The following TAFA2 variants were observed in gnomAD, a reference collection of about 807,000 sequenced individuals.
TAFA2 encodes chemokine-like protein TAFA-2.
In TAFA2, 7 loss-of-function variants were observed where a neutral mutation model predicts 18.8. The observed-to-expected ratio is 0.37, with a 90% confidence interval of 0.21 to 0.70. The LOEUF (loss-of-function observed/expected upper bound fraction) is 0.70. TAFA2 is among the 30% of genes least tolerant of loss of function. TAFA2 has a pLI of 0.53. For synonymous variants in TAFA2, 60 were observed against 54.2 expected, an observed-to-expected ratio of 1.11 and a Z score of -0.47; for missense variants, 122 against 158.1, an observed-to-expected ratio of 0.77 and a Z score of 1.23.
chr12:61,986,654 T>TTA (rs1555181441), intron 1 of TAFA2, among the ~76,000 whole-genome samples: 1 of 145,444 alleles, frequency 6.9e-6, no homozygotes, highest in Non-Finnish European at 1.5e-5. Context: ...GAGACTTAGT[T>TTA]AAAAAAAAAA....
chr12:62,172,887 A>G (rs1454511605), intron 1 of TAFA2, among the ~76,000 whole-genome samples: 1 of 152,228 alleles, frequency 6.6e-6, no homozygotes. Context: ...TTCAATTCCA[A>G]TTTAGTCACT....
rs572268280 is a variant in TAFA2 at position 62,226,782 on chromosome 12, T to C, written c.-130+31981A>G. 2.0e-5 allele frequency among the ~76,000 whole-genome samples: 3 copies of C among 152,352 alleles called. No homozygotes were observed. In the South Asian group the frequency reaches 6.2e-4, roughly 32 times the overall value. On this transcript the variant is annotated intron_variant, in intron 1 of 5. Coordinates refer to the TAFA2 transcript ENST00000551619. Reference sequence around the variant, plus strand: ...TCATCTTTAGTAATTTATTCTTCTTTACTTTTCACTCACAATCAAATGGTG... The same window carrying C: ...TCATCTTTAGTAATTTATTCTTCTTCACTTTTCACTCACAATCAAATGGTG...
intron 2 of TAFA2, among the ~76,000 whole-genome samples, chr12:61,826,475 A>ATG (rs1872540930): frequency 6.6e-6 from 1 of 152,036 alleles, no homozygotes; most frequent in African/African-American, 2.4e-5. Flanking sequence ...GCAGAATGAC[A>ATG]AAAACTGTTG....
intron 2 of TAFA2, among the ~76,000 whole-genome samples, chr12:61,842,087 AC>A (rs2121127546): frequency 6.6e-6 from 1 of 152,096 alleles, no homozygotes; most frequent in African/African-American, 2.4e-5. Context: ...CTCCATAAGG[AC>A]ATTTTTTTTT....
At chr12:61,823,760 G>T (rs1259435298) in intron 2 of TAFA2, among the ~76,000 whole-genome samples, 1 of 152,082 alleles carries the variant, frequency 6.6e-6, no homozygotes, top group Non-Finnish European at 1.5e-5. Context: ...TGAGAATTCA[G>T]ACATGAATGT....
intron 2 of TAFA2, chr12:61,827,309 G>T (rs1872568235): frequency 6.6e-6 from 1 of 152,000 alleles, no homozygotes. Flanking sequence ...ATAACCTTCT[G>T]TCTTGTTTAA....
At chr12:61,940,258 G>T (rs1877944757) in intron 1 of TAFA2, among the ~76,000 whole-genome samples, 1 of 152,204 alleles carries the variant, frequency 6.6e-6, no homozygotes, top group Non-Finnish European at 1.5e-5. Flanking sequence ...TTGGTTTAAT[G>T]CCCTGCTATT....
At chr12:62,120,352 G>C (rs1342677222) in intron 1 of TAFA2, among the ~76,000 whole-genome samples, 1 of 152,158 alleles carries the variant, frequency 6.6e-6, no homozygotes, top group Admixed American at 6.5e-5. Context: ...ATAGGCATTT[G>C]TATTTCTTTT....
At chr12:62,085,904 A>G (rs1429070482) in intron 1 of TAFA2, among the ~76,000 whole-genome samples, 1 of 152,086 alleles carries the variant, frequency 6.6e-6, no homozygotes, top group African/African-American at 2.4e-5. Flanking sequence ...TTCTTGTGAT[A>G]GTGAGTTCTC....
At chr12:62,119,776 A>G (rs1870113107) in intron 1 of TAFA2, among the ~76,000 whole-genome samples, 1 of 152,148 alleles carries the variant, frequency 6.6e-6, no homozygotes, top group Non-Finnish European at 1.5e-5. Flanking sequence ...GCATCTCTGT[A>G]AAAGCAAAAG....
intron 1 of TAFA2, among the ~76,000 whole-genome samples, chr12:61,973,782 C>T (rs988652058): frequency 2.0e-5 from 3 of 151,746 alleles, no homozygotes; most frequent in African/African-American, 4.8e-5. Flanking sequence ...GAAAATCCCC[C>T]GACCCTGGCT....
chr12:62,074,951 C>T (rs1882724683), intron 1 of TAFA2, among the ~76,000 whole-genome samples: 1 of 152,078 alleles, frequency 6.6e-6, no homozygotes. Context: ...ATCTGCCTGC[C>T]TCAGCCTCCC....
intron 2 of TAFA2, among the ~76,000 whole-genome samples, chr12:61,824,908 TCA>T (rs1483202405): frequency 6.6e-6 from 1 of 152,088 alleles, no homozygotes; most frequent in African/African-American, 2.4e-5. Context: ...TCTTAAAGGA[TCA>T]CAGTTTCAGA....
In TAFA2 at chr12:62,072,240, G is replaced by A. The variant is rs1335062204; in HGVS notation, c.-2+119019C>T. Among the ~76,000 whole-genome samples, 7 of 151,346 alleles carry A rather than the reference G, an allele frequency of 4.6e-5. No homozygotes were observed. In the East Asian group the frequency reaches 5.9e-4, roughly 13 times the overall value. The stretch of plus-strand genomic sequence containing the variant: ...AGCACTTTGGAAGGCCGAGGCGGGC[G>A]GATCACAAGGTCAGGAGATCGAGAC... On this transcript the variant is annotated intron_variant, in intron 1 of 4. Transcript: ENST00000416284.
chr12:61,767,061 G>C (rs991398386), intron 2 of TAFA2, among the ~76,000 whole-genome samples: 5 of 151,962 alleles, frequency 3.3e-5, no homozygotes, highest in African/African-American at 1.2e-4. Context: ...ATGATGGTAG[G>C]GCATTTAATA....
chr12:61,861,685 G>A (rs1277493165), intron 2 of TAFA2, among the ~76,000 whole-genome samples: 1 of 152,064 alleles, frequency 6.6e-6, no homozygotes, highest in Non-Finnish European at 1.5e-5. Context: ...ATGAAGATCT[G>A]TCCAGAAAAA....
intron 1 of TAFA2, among the ~76,000 whole-genome samples, chr12:62,074,153 T>C (rs1882701872): frequency 6.6e-6 from 1 of 152,204 alleles, no homozygotes; most frequent in African/African-American, 2.4e-5. Context: ...TTCCCAAAGT[T>C]AGAACACACA....
intron 1 of TAFA2, among the ~76,000 whole-genome samples, chr12:62,084,776 G>A (rs1868385317): frequency 6.6e-6 from 1 of 152,072 alleles, no homozygotes; most frequent in African/African-American, 2.4e-5. Context: ...TTTTTTGAGA[G>A]TGATATGCAT....
chr12:61,728,633 G>A (rs548782225), intron 4 of TAFA2, among the ~76,000 whole-genome samples: 16 of 140,868 alleles, frequency 1.1e-4, no homozygotes, highest in African/African-American at 4.0e-4. Flanking sequence ...TGTGTTAGGT[G>A]AGTCTCTTGA....
Sources: allele counts gnomAD v4.1 joint callset (sites outside exome capture counted in the v4.1 genomes callset), GRCh38; gene constraint gnomAD v4.1.1; transcripts MANE v1.5; gene names NCBI Gene and HGNC (gene_info 2026-07-23, HGNC 2026-07-21).